MACROD2: variants seen among roughly 807,000 people sequenced by gnomAD.
MACROD2 encodes the protein ADP-ribose glycohydrolase MACROD2.
In MACROD2, 36 loss-of-function variants were observed where a neutral mutation model predicts 70.4. That is an observed-to-expected ratio of 0.51 (90% CI 0.39 to 0.68). MACROD2 has a LOEUF of 0.68. MACROD2 is among the 30% of genes least tolerant of loss of function. The probability of loss-of-function intolerance (pLI) is 0.00; values close to 1 mark genes in which losing one functional copy is unlikely to be tolerated. For synonymous variants in MACROD2, 172 were observed against 178.8 expected (o/e 0.96, Z 0.30); for missense variants, 496 against 538.4 (o/e 0.92, Z 0.78).
intron 5 of MACROD2, among the ~76,000 whole-genome samples, chr20:15,192,818 T>C (rs889095427): frequency 2.0e-5 from 3 of 152,216 alleles, no homozygotes; most frequent in Non-Finnish European, 4.4e-5. Context: ...ATAGTCAGCT[T>C]TGTGGCCATC....
At chr20:15,219,970 A>AAT (rs1555793839) in intron 5 of MACROD2, among the ~76,000 whole-genome samples, 1 of 151,842 alleles carries the variant, frequency 6.6e-6, no homozygotes, top group African/African-American at 2.4e-5. Flanking sequence ...AAAAAAAAAA[A>AAT]AAGGCAAAGG....
chr20:15,201,515 G>A (rs1207281049), intron 5 of MACROD2, among the ~76,000 whole-genome samples: 4 of 152,086 alleles, frequency 2.6e-5, no homozygotes, highest in African/African-American at 4.8e-5. Context: ...TAGCCAATAC[G>A]TGCAACTGTC....
At chr20:14,886,917 C>T (rs1028893106) in intron 5 of MACROD2, among the ~76,000 whole-genome samples, 1 of 152,092 alleles carries the variant, frequency 6.6e-6, no homozygotes, top group Non-Finnish European at 1.5e-5. Flanking sequence ...GTTCTCATTC[C>T]GACATTGGCG....
At chr20:14,164,872 C>T (rs1368977627) in intron 3 of MACROD2, among the ~76,000 whole-genome samples, 7 of 152,054 alleles carry the variant, frequency 4.6e-5, no homozygotes, top group South Asian at 4.1e-4. Context: ...GCGGCTGGGA[C>T]GCATGCACTT....
intron 4 of MACROD2, among the ~76,000 whole-genome samples, chr20:14,666,513 A>G (rs1270592627): frequency 6.6e-6 from 1 of 152,058 alleles, no homozygotes; most frequent in Non-Finnish European, 1.5e-5. Context: ...ATTGTAGAAT[A>G]TTTTTAACAT....
intron 5 of MACROD2, among the ~76,000 whole-genome samples, chr20:14,748,713 A>G (rs150132311): frequency 1.2e-4 from 18 of 152,226 alleles, no homozygotes; most frequent in African/African-American, 3.9e-4. Flanking sequence ...AACTTTCCAA[A>G]CTAGTTAATG....
At chr20:15,781,803 A>C (rs6043545) in intron 8 of MACROD2, among the ~76,000 whole-genome samples, 13,798 of 152,180 alleles carry the variant, frequency 0.091, 1,336 homozygotes, top group East Asian at 0.33. Flanking sequence ...CCCGAGCTAC[A>C]CTTTGAAAAG....
At chr20:14,507,634 A>G (rs452664) in intron 4 of MACROD2, among the ~76,000 whole-genome samples, 27,615 of 152,172 alleles carry the variant, frequency 0.18, 2,795 homozygotes, top group South Asian at 0.36. Flanking sequence ...TCAGAGAATT[A>G]TATTATATTG....
At chr20:15,622,615 T>C (rs1266595152) in intron 8 of MACROD2, among the ~76,000 whole-genome samples, 1 of 152,110 alleles carries the variant, frequency 6.6e-6, no homozygotes, top group Non-Finnish European at 1.5e-5. Flanking sequence ...ATCACACTAC[T>C]CAGAACAGTG....
chr20:15,797,160 C>T (rs1378845456), intron 8 of MACROD2, among the ~76,000 whole-genome samples: 1 of 152,168 alleles, frequency 6.6e-6, no homozygotes, highest in East Asian at 1.9e-4. Flanking sequence ...GTTGCCCAGG[C>T]TGGAGTGCAG....
chr20:14,711,759 C>T (rs2071341799), intron 5 of MACROD2, among the ~76,000 whole-genome samples: 1 of 152,156 alleles, frequency 6.6e-6, no homozygotes, highest in African/African-American at 2.4e-5. Context: ...GAAACAGTTG[C>T]ATTGTTCTTT....
chr20:15,666,040 A>G (rs772551649), intron 8 of MACROD2, among the ~76,000 whole-genome samples: 9 of 152,252 alleles, frequency 5.9e-5, no homozygotes, highest in Non-Finnish European at 1.2e-4. Flanking sequence ...TAAATGGAAA[A>G]TTAAATGAGT....
chr20:14,373,444 T>C (rs1171534268), intron 3 of MACROD2, among the ~76,000 whole-genome samples: 1 of 152,130 alleles, frequency 6.6e-6, no homozygotes, highest in Non-Finnish European at 1.5e-5. Flanking sequence ...TTTTAACGTG[T>C]GTTTTAAAAT....
At chr20:14,851,592 A>G (rs1321282025) in intron 5 of MACROD2, among the ~76,000 whole-genome samples, 3 of 152,144 alleles carry the variant, frequency 2.0e-5, no homozygotes, top group Admixed American at 1.3e-4. Context: ...CTGTCTTAGG[A>G]GCTACAGGGA....
intron 4 of MACROD2, among the ~76,000 whole-genome samples, chr20:14,555,762 C>T (rs879337787): frequency 2.0e-5 from 3 of 152,038 alleles, no homozygotes; most frequent in Admixed American, 2.0e-4. Context: ...TGTGCTCTAG[C>T]TTATACATGA....
chr20:15,458,937 C>T (rs1376985248), intron 7 of MACROD2, among the ~76,000 whole-genome samples: 2 of 152,034 alleles, frequency 1.3e-5, no homozygotes, highest in African/African-American at 4.8e-5. Context: ...TTTCAGCAGA[C>T]GTTCAAGGTC....
At chr20:14,991,318 G>A (rs2074902184) in intron 5 of MACROD2, among the ~76,000 whole-genome samples, 2 of 151,728 alleles carry the variant, frequency 1.3e-5, no homozygotes, top group Non-Finnish European at 2.9e-5. Context: ...TTAAAGAATT[G>A]ACTACACATC....
In MACROD2 at chr20:15,860,691, C is replaced by T. The variant is rs76855574; in HGVS notation, c.646-2054C>T. ...GCCATTTGCCATGTTTTTCTCAAAT[C>T]CCCTTTCTTTCTAAAGGAATAAAGT... On this transcript the variant is annotated intron_variant, in intron 8 of 17. Transcript: ENST00000684519. Among the ~76,000 whole-genome samples, 1,077 of 152,262 alleles carry T rather than the reference C, an allele frequency of 7.1e-3. 19 individuals carry two copies. The highest frequency in any genetic ancestry group is 0.037 in the Admixed American group (571 of 15,280).
chr20:15,700,549 A>G (rs1322674632), intron 8 of MACROD2, among the ~76,000 whole-genome samples: 1 of 152,222 alleles, frequency 6.6e-6, no homozygotes, highest in African/African-American at 2.4e-5. Context: ...AAGCCCAAAC[A>G]CGTAAGATTA....
Sources: allele counts gnomAD v4.1 joint callset (sites outside exome capture counted in the v4.1 genomes callset), GRCh38; gene constraint gnomAD v4.1.1; transcripts MANE v1.5; gene names NCBI Gene and HGNC (gene_info 2026-07-23, HGNC 2026-07-21).